CDH4: variants seen among roughly 807,000 people sequenced by gnomAD.
CDH4 encodes cadherin 4, also known as cadherin-4.
CDH4 carries 33 observed loss-of-function variants against 86.0 expected under a neutral mutation model. The ratio of observed to expected loss-of-function variants is 0.38; its 90% CI spans 0.29 to 0.51. CDH4 has a LOEUF of 0.51. Among genes scored for constraint, CDH4 ranks in the 20% least tolerant of loss-of-function variants. The pLI is 0.86. For synonymous variants in CDH4, 555 were observed against 549.4 expected (o/e 1.01, Z -0.14); for missense variants, 1,114 against 1,307.4 (o/e 0.85, Z 2.28).
At chr20:61,802,894 G>T (rs1208274224) in intron 4 of CDH4, among the ~76,000 whole-genome samples, 1 of 152,242 alleles carries the variant, frequency 6.6e-6, no homozygotes, top group African/African-American at 2.4e-5. Flanking sequence ...GCCTTTTGCG[G>T]GATAGTCGCA....
intron 2 of CDH4, among the ~76,000 whole-genome samples, chr20:61,431,831 A>G (rs1457137415): frequency 6.6e-6 from 1 of 152,072 alleles, no homozygotes; most frequent in Non-Finnish European, 1.5e-5. Flanking sequence ...CAACCGGCTT[A>G]TGGAACCCAT....
intron 3 of CDH4, among the ~76,000 whole-genome samples, chr20:61,763,914 GT>G (rs1323189315): frequency 1.3e-5 from 2 of 152,110 alleles, no homozygotes; most frequent in African/African-American, 4.8e-5. Context: ...CCTTAACACT[GT>G]TTTTTTCTTT....
At chr20:61,598,994 G>A (rs1461281447) in intron 2 of CDH4, among the ~76,000 whole-genome samples, 1 of 152,240 alleles carries the variant, frequency 6.6e-6, no homozygotes, top group African/African-American at 2.4e-5. Flanking sequence ...GTGGTCATGG[G>A]AGAAGCCTCA....
intron 2 of CDH4, among the ~76,000 whole-genome samples, chr20:61,375,727 A>G: frequency 2.5e-5 from 3 of 120,898 alleles, no homozygotes; most frequent in East Asian, 2.7e-4. Context: ...TGTTGATGGT[A>G]GTGTGATGGT....
intron 2 of CDH4, among the ~76,000 whole-genome samples, chr20:61,339,868 G>C (rs1817902556): frequency 6.6e-6 from 1 of 152,224 alleles, no homozygotes; most frequent in Non-Finnish European, 1.5e-5. Flanking sequence ...CAACTATTCA[G>C]TGTGCCCTAT....
chr20:61,474,432 C>T (rs1473171225), intron 2 of CDH4, among the ~76,000 whole-genome samples: 1 of 151,346 alleles, frequency 6.6e-6, no homozygotes, highest in South Asian at 2.1e-4. Context: ...ACCTCGGCCT[C>T]CCAAAGTGCT....
chr20:61,435,743 C>T (rs73318336), intron 2 of CDH4: 11,227 of 152,324 alleles, frequency 0.074, 680 homozygotes, highest in African/African-American at 0.16. Flanking sequence ...GGACAGGAGA[C>T]GTCCTGCAGT....
At chr20:61,350,734 C>T (rs1254907438) in intron 2 of CDH4, among the ~76,000 whole-genome samples, 2 of 152,248 alleles carry the variant, frequency 1.3e-5, no homozygotes, top group African/African-American at 2.4e-5. Flanking sequence ...GTGCTAACTG[C>T]GCCCTCAAGT....
rs550122681 is a variant in CDH4 at position 61,634,056 on chromosome 20, T to C, written c.170-109507T>C. On this transcript the variant is annotated intron_variant, in intron 2 of 15. Transcript: ENST00000614565. ...GGCAAGTCAGTGTTTCAGACCCAGC[T>C]AAAGCCCGGTTTTTCCATCTCTAAC... 5.6e-4 allele frequency among the ~76,000 whole-genome samples: 86 copies of C among 152,330 alleles called. 4 individuals carry two copies. In the South Asian group the frequency reaches 0.017, roughly 30 times the overall value.
intron 2 of CDH4, among the ~76,000 whole-genome samples, chr20:61,624,561 G>A (rs978854225): frequency 6.6e-6 from 1 of 152,238 alleles, no homozygotes; most frequent in Admixed American, 6.5e-5. Context: ...AGGCCAGGCA[G>A]CCAGGAGACC....
chr20:61,278,835 G>C (rs1332471001), intron 2 of CDH4, among the ~76,000 whole-genome samples: 1 of 152,248 alleles, frequency 6.6e-6, no homozygotes, highest in African/African-American at 2.4e-5. Flanking sequence ...TGCCTGGGCT[G>C]GCCGTGCCAC....
At chr20:61,884,654 C>T (rs1984455876) in intron 7 of CDH4, among the ~76,000 whole-genome samples, 1 of 152,152 alleles carries the variant, frequency 6.6e-6, no homozygotes, top group African/African-American at 2.4e-5. Context: ...CACCCCCGGA[C>T]CTGCATTTGA....
At chr20:61,532,436 C>T (rs1035678918) in intron 2 of CDH4, among the ~76,000 whole-genome samples, 4 of 152,170 alleles carry the variant, frequency 2.6e-5, no homozygotes, top group Non-Finnish European at 5.9e-5. Flanking sequence ...TTTCAGAACT[C>T]AGAGACCCTG....
chr20:61,743,574 A>C lies in CDH4; in HGVS notation c.181A>C (p.Ser61Arg), dbSNP rs749717580. 6.4e-7 allele frequency: 1 copy of C among 1,563,744 alleles called. No individual in the cohort carries two copies. The highest frequency in any genetic ancestry group is 8.7e-7 in the Non-Finnish European group (1 of 1,152,932). The change falls in exon 3 of 16, where the codon AGC (serine) becomes CGC (arginine). Residue 61 changes from serine (S) to arginine (R), a missense_variant. Ser to Arg is a moderately radical substitution (Grantham distance 110). Around this residue, in one of 3 missense-constraint regions of CDH4, gnomAD observed 221 missense variants for 209.5 expected, o/e 1.05. Transcript: ENST00000614565. ...GEKLLQVKFS[S>R]CVGTKGTQYE... ...CCCTCCTCTTGCAGTCAAGTTCAGC[A>C]GCTGTGTGGGGACCAAGGGGACACA...
At chr20:61,645,730 A>G (rs760545100) in intron 2 of CDH4, among the ~76,000 whole-genome samples, 10 of 151,858 alleles carry the variant, frequency 6.6e-5, no homozygotes, top group Non-Finnish European at 1.0e-4. Flanking sequence ...CCCCCCTTCA[A>G]CCACCCAGAA....
intron 3 of CDH4, among the ~76,000 whole-genome samples, chr20:61,770,523 G>A (rs937822687): frequency 2.0e-5 from 3 of 152,248 alleles, no homozygotes; most frequent in African/African-American, 7.2e-5. Context: ...CATGGACGCC[G>A]CATATACGCG....
At chr20:61,795,847 GTGAATGAA>G (rs1304816919) in intron 4 of CDH4, among the ~76,000 whole-genome samples, 2 of 151,990 alleles carry the variant, frequency 1.3e-5, no homozygotes, top group South Asian at 4.1e-4. Flanking sequence ...GAATGAATGA[GTGAATGAA>G]TGAATGAATG....
intron 2 of CDH4, among the ~76,000 whole-genome samples, chr20:61,405,724 C>G (rs1180606834): frequency 6.7e-6 from 1 of 149,964 alleles, no homozygotes; most frequent in African/African-American, 2.5e-5. Context: ...GACAGAGTCT[C>G]ACTCTGTCAC....
intron 2 of CDH4, among the ~76,000 whole-genome samples, chr20:61,475,202 T>C (rs938035091): frequency 3.3e-5 from 5 of 152,080 alleles, no homozygotes; most frequent in Non-Finnish European, 5.9e-5. Context: ...CAAAAAGCAC[T>C]AATAGAAATG....
Sources: gnomAD v4.1 joint callset for allele counts (sites outside exome capture counted in the v4.1 genomes callset) on GRCh38, gnomAD v4.1.1 for gene constraint, gnomAD v4.1.1 regional missense constraint, MANE v1.5 for transcripts, NCBI Gene and HGNC (gene_info 2026-07-23, HGNC 2026-07-21) for gene names.